The following PIGN variants were observed in gnomAD, a reference collection of about 807,000 sequenced individuals.
PIGN encodes the protein phosphatidylinositol glycan anchor biosynthesis class N, also known as GPI ethanolamine phosphate transferase 1.
Under a neutral mutation model 125.4 loss-of-function variants are expected in PIGN, and 117 were observed. The observed-to-expected ratio is 0.93, with a 90% CI of 0.80 to 1.09. The LOEUF (loss-of-function observed/expected upper bound fraction) is 1.09, where lower values mean the gene tolerates loss of function less well. Ranked by LOEUF, PIGN falls within the 50% of genes least tolerant of loss-of-function variation. The probability of loss-of-function intolerance (pLI) is 0.00; values close to 1 mark genes in which losing one functional copy is unlikely to be tolerated. For missense variants in PIGN, 1,075 were observed against 1,094.9 expected, an observed-to-expected ratio of 0.98 and a Z score of 0.26; for synonymous variants, 392 against 377.8, an observed-to-expected ratio of 1.04 and a Z score of -0.44.
intron 17 of PIGN, among the ~76,000 whole-genome samples, chr18:62,109,148 A>T (rs1159291578): frequency 4.6e-5 from 7 of 152,194 alleles, no homozygotes; most frequent in African/African-American, 1.7e-4. Flanking sequence ...TAAGATCTGC[A>T]ACATGACTCC....
At chr18:62,183,443 A>T (rs2037787642) in intron 1 of PIGN, among the ~76,000 whole-genome samples, 1 of 152,184 alleles carries the variant, frequency 6.6e-6, no homozygotes. Context: ...TCCCACTGCT[A>T]TAAGACCTTT....
intron 14 of PIGN, chr18:62,136,237 T>G (rs1304581848): frequency 6.6e-6 from 1 of 152,224 alleles, no homozygotes; most frequent in Non-Finnish European, 1.5e-5. Context: ...TATATGATTA[T>G]AACTTGCAAA....
chr18:62,130,547 AG>A (rs1439153102), intron 14 of PIGN, among the ~76,000 whole-genome samples: 1 of 150,534 alleles, frequency 6.6e-6, no homozygotes, highest in Non-Finnish European at 1.5e-5. Flanking sequence ...TTAAAAAAAA[AG>A]AGAGAAATGA....
chr18:62,161,294 A>AAAGATGGAGGCGAAGAACAC lies in PIGN; in HGVS notation c.40_59dup (p.Phe20LeufsTer20). 5.6e-6 allele frequency: 9 copies of AAAGATGGAGGCGAAGAACAC among 1,613,876 alleles called. No individual in the cohort carries two copies. The highest frequency in any genetic ancestry group is 7.6e-6 in the Non-Finnish European group (9 of 1,179,836). On this transcript the variant is annotated frameshift_variant, in exon 4 of 31. Coordinates refer to ENST00000640252, the MANE Select transcript of PIGN (RefSeq NM_176787.5). LOFTEE classifies it high-confidence loss of function. ...CCAAAGGAGATGTAAAATAAATGTC[A>AAAGATGGAGGCGAAGAACAC]AAGATGGAGGCGAAGAACACAAAAT...
chr18:62,095,436 C>T (rs17635840), intron 23 of PIGN, among the ~76,000 whole-genome samples: 25,962 of 150,942 alleles, frequency 0.17, 2,950 homozygotes, highest in Middle Eastern at 0.29. Flanking sequence ...AAATGAATAT[C>T]TGAACTGTGA....
At chr18:62,022,678 A>T (rs1388504291) in intron 23 of PIGN, among the ~76,000 whole-genome samples, 1 of 152,216 alleles carries the variant, frequency 6.6e-6, no homozygotes, top group Non-Finnish European at 1.5e-5. Context: ...TGTATAGGAA[A>T]ATGAAAAAAT....
chr18:62,103,652 A>G (rs1378288330), intron 20 of PIGN: 5 of 152,244 alleles, frequency 3.3e-5, no homozygotes, highest in East Asian at 3.8e-4. Flanking sequence ...CCAGAACCCA[A>G]ATAGAACTAA....
chr18:62,049,522 T>C (rs7506067), intron 30 of PIGN, among the ~76,000 whole-genome samples: 87,729 of 151,042 alleles, frequency 0.58, 26,255 homozygotes, highest in East Asian at 0.78. Context: ...TGTCTGTCCA[T>C]GTCCTTCGCC....
intron 9 of PIGN, 63 bp downstream of exon 9, chr18:62,146,908 T>C: frequency 3.3e-6 from 5 of 1,525,990 alleles, no homozygotes; most frequent in Non-Finnish European, 4.5e-6. Context: ...TCATAAAATA[T>C]TTACCAGCTA....
chr18:62,181,431 A>C (rs2037711971), intron 1 of PIGN, among the ~76,000 whole-genome samples: 1 of 152,198 alleles, frequency 6.6e-6, no homozygotes, highest in Non-Finnish European at 1.5e-5. Flanking sequence ...TTCATAAGAA[A>C]GTAAAGACAG....
intron 29 of PIGN, among the ~76,000 whole-genome samples, 166 bp from the exon 30 acceptor site, chr18:62,072,891 A>G (rs1028896494): frequency 3.9e-5 from 6 of 152,204 alleles, no homozygotes; most frequent in African/African-American, 1.2e-4. Flanking sequence ...TTGGATTAGA[A>G]TTAGCAGTAG....
chr18:62,114,674 T>G, intron 14 of PIGN, 35 bp from the exon 15 acceptor site: 2 of 1,017,438 alleles, frequency 2.0e-6, no homozygotes, highest in Non-Finnish European at 2.9e-6. Context: ...TTAAAGGGTT[T>G]CCTCATTCCA....
rs143219025 is a variant in PIGN at position 62,098,284 on chromosome 18, T to C, written c.2078-2334A>G. Among the ~76,000 whole-genome samples the C allele has an allele frequency of 1.3e-3, 198 of 152,342 alleles. 4 individuals are homozygous for C. In the East Asian group the frequency reaches 0.029, roughly 22 times the overall value. On this transcript the variant is annotated intron_variant, in intron 22 of 30. Coordinates refer to ENST00000640252, the MANE Select transcript of PIGN (RefSeq NM_176787.5). ...ATGAAGTTACATTTTTTAATACCCT[T>C]AGATGAGTAGCTTCTGACTTTTTTT...
At chr18:62,127,004 C>G (rs1243546657) in intron 14 of PIGN, among the ~76,000 whole-genome samples, 1 of 152,174 alleles carries the variant, frequency 6.6e-6, no homozygotes, top group South Asian at 2.1e-4. Flanking sequence ...TCTTGTCAAT[C>G]TTAAAGCAGT....
intron 28 of PIGN, among the ~76,000 whole-genome samples, chr18:62,077,363 ACT>A (rs2033226831): frequency 6.6e-6 from 1 of 152,108 alleles, no homozygotes; most frequent in South Asian, 2.1e-4. Context: ...ACAGAGTGAG[ACT>A]CTGCCTCAAA....
rs943601653 is a variant in PIGN, at chr18:62,074,982, C to T, written c.2577-161G>A. On this transcript the variant is annotated intron_variant, in intron 28 of 30. Coordinates refer to ENST00000640252, the MANE Select transcript of PIGN (RefSeq NM_176787.5). ...TTCTTTTCATATTATCATGGGTGAC[C>T]ATACCATAGAGATGAGCTGGACTGT... The T allele has an allele frequency of 1.3e-5, 7 of 538,418 alleles. No homozygotes were observed. In the African/African-American group the frequency reaches 1.3e-4, roughly 10 times the overall value. 33.4% of individuals were successfully genotyped at this position (538,418 alleles called of 1,614,324 possible).
chr18:62,129,998 A>G (rs1012309294), intron 14 of PIGN, among the ~76,000 whole-genome samples: 3 of 152,166 alleles, frequency 2.0e-5, no homozygotes, highest in African/African-American at 7.2e-5. Flanking sequence ...GGAGACAGAG[A>G]CACAAGGAAG....
At chr18:62,036,169 T>C (rs1333631778), downstream of PIGN, among the ~76,000 whole-genome samples, 6 of 152,246 alleles carry the variant, frequency 3.9e-5, no homozygotes, top group Admixed American at 2.6e-4. Context: ...TGGCAAGAGC[T>C]GCACTGCATT....
intron 29 of PIGN, among the ~76,000 whole-genome samples, chr18:62,073,062 T>G (rs1258661052): frequency 1.3e-5 from 2 of 152,080 alleles, no homozygotes; most frequent in Admixed American, 1.3e-4. Flanking sequence ...CAACAAATAT[T>G]TACTGTACTG....
Sources: gnomAD v4.1 joint callset for allele counts (sites outside exome capture counted in the v4.1 genomes callset) on GRCh38, gnomAD v4.1.1 for gene constraint, MANE v1.5 for transcripts, NCBI Gene and HGNC (gene_info 2026-07-23, HGNC 2026-07-21) for gene names.